Variants in DPYSL5 observed in about 807,000 individuals in gnomAD.
DPYSL5 encodes dihydropyrimidinase-related protein 5.
DPYSL5 carries 9 observed loss-of-function variants against 58.4 expected under a neutral mutation model. That is an observed-to-expected ratio of 0.15 (90% CI 0.09 to 0.27). DPYSL5 has a LOEUF of 0.27. Among genes scored for constraint, DPYSL5 ranks in the 10% least tolerant of loss-of-function variants. The probability of loss-of-function intolerance (pLI) is 1.00; values close to 1 mark genes in which losing one functional copy is unlikely to be tolerated. For synonymous variants in DPYSL5, 293 were observed against 301.9 expected (o/e 0.97, Z 0.31); for missense variants, 499 against 770.6 (o/e 0.65, Z 4.17).
intron 8 of DPYSL5, among the ~76,000 whole-genome samples, chr2:26,937,053 G>T (rs867264067): frequency 1.0e-4 from 15 of 150,518 alleles, no homozygotes; most frequent in Non-Finnish European, 2.1e-4. Flanking sequence ...ATGTGGGCTT[G>T]GTTCCAAGGT....
At chr2:26,879,240 A>C (rs1663491053) in intron 1 of DPYSL5, among the ~76,000 whole-genome samples, 1 of 152,204 alleles carries the variant, frequency 6.6e-6, no homozygotes, top group African/African-American at 2.4e-5. Context: ...GGTTTGGAGA[A>C]AGAGGACAGA....
In DPYSL5 at chr2:26,944,677, G is replaced by T; in HGVS notation, c.1462G>T (p.Asp488Tyr). 1.2e-6 allele frequency: 2 copies of T among 1,613,984 alleles called. No individual in the cohort carries two copies. Among genetic ancestry groups the T allele is most frequent in the Non-Finnish European group, 1.7e-6 (2 of 1,179,950 alleles). ...CTAGACTTTAAAGGTTAGAGGAGTGGACCGCACTCCCTACCTGGGGGATGT... is the reference window on the plus strand; with the variant it reads ...CTAGACTTTAAAGGTTAGAGGAGTGTACCGCACTCCCTACCTGGGGGATGT... ...REKTLKVRGV[D>Y]RTPYLGDVAV... The change falls in exon 12 of 13, where the codon GAC (aspartate) becomes TAC (tyrosine). Residue 488 changes from aspartate (D) to tyrosine (Y), a missense_variant. Physicochemically the swap from Asp to Tyr is radical, Grantham distance 160. This residue lies in a region of DPYSL5 where 62 missense variants were observed against 59.2 expected (regional missense o/e 1.05). Coordinates refer to ENST00000288699, the MANE Select transcript of DPYSL5 (RefSeq NM_020134.4). This position sits in a 1 kb window ranked among gnomAD's most constrained non-coding sequence, Gnocchi z 4.4.
In DPYSL5 at chr2:26,898,566, A is replaced by G; in HGVS notation, c.67A>G (p.Thr23Ala). The stretch of plus-strand genomic sequence containing the variant: ...AGGCAAGGTGGTGAACGATGACTGC[A>G]CCCACGAGGCTGACGTCTACATCGA... ...KGGKVVNDDC[T>A]HEADVYIENG... Residue 23 changes from threonine to alanine, a missense_variant, in exon 2 of 13, where the codon ACC becomes GCC. This residue lies in a region of DPYSL5 where 404 missense variants were observed against 647.6 expected (regional missense o/e 0.62). Coordinates refer to ENST00000288699, the MANE Select transcript of DPYSL5 (RefSeq NM_020134.4). This position sits in a 1 kb window ranked among gnomAD's most constrained non-coding sequence, Gnocchi z 6.1. 1 of 1,614,132 alleles carries G rather than the reference A, an allele frequency of 6.2e-7. No homozygotes were observed. The highest frequency in any genetic ancestry group is 8.5e-7 in the Non-Finnish European group (1 of 1,180,024).
intron 1 of DPYSL5, among the ~76,000 whole-genome samples, chr2:26,857,949 AAAG>A (rs1358044575): frequency 2.0e-5 from 3 of 152,190 alleles, no homozygotes; most frequent in Non-Finnish European, 4.4e-5. Context: ...CAGTGTGCAT[AAAG>A]GACAGTGGTT....
intron 1 of DPYSL5, among the ~76,000 whole-genome samples, chr2:26,871,192 C>T (rs1663254924): frequency 6.6e-6 from 1 of 152,078 alleles, no homozygotes; most frequent in African/African-American, 2.4e-5. Flanking sequence ...AGAGCTTAAC[C>T]TATTCACTCT....
intron 8 of DPYSL5, among the ~76,000 whole-genome samples, chr2:26,937,579 A>G (rs947527037): frequency 2.0e-5 from 3 of 152,070 alleles, no homozygotes; most frequent in Admixed American, 6.5e-5. Flanking sequence ...TAGGCCCTGC[A>G]GGAATAAAAA....
At chr2:26,930,374 G>A (rs1664939795) in intron 5 of DPYSL5, among the ~76,000 whole-genome samples, 2 of 152,220 alleles carry the variant, frequency 1.3e-5, no homozygotes, top group South Asian at 4.1e-4. Context: ...TCTATGCCAG[G>A]GGAGATGTTG....
At chr2:26,862,717 C>T (rs1008778390) in intron 1 of DPYSL5, among the ~76,000 whole-genome samples, 10 of 152,146 alleles carry the variant, frequency 6.6e-5, no homozygotes, top group African/African-American at 9.7e-5. Context: ...TGGAAGTCAC[C>T]GGGATGCCAG....
At chr2:26,913,025 G>A (rs1400661354) in intron 2 of DPYSL5, among the ~76,000 whole-genome samples, 8 of 152,202 alleles carry the variant, frequency 5.3e-5, no homozygotes, top group Non-Finnish European at 7.3e-5. Context: ...TTTCTTATCT[G>A]TAAAATGAGA....
chr2:26,946,549 C>G (rs867240315), intron 12 of DPYSL5, among the ~76,000 whole-genome samples: 1 of 152,156 alleles, frequency 6.6e-6, no homozygotes, highest in Non-Finnish European at 1.5e-5. Flanking sequence ...TTCTCTCTCG[C>G]TTACTCACTG....
intron 2 of DPYSL5, among the ~76,000 whole-genome samples, chr2:26,923,458 T>C (rs1664752676): frequency 6.6e-6 from 1 of 152,156 alleles, no homozygotes; most frequent in Non-Finnish European, 1.5e-5. Flanking sequence ...AGCCACCCTA[T>C]TGTGTAGGTA....
intron 1 of DPYSL5, among the ~76,000 whole-genome samples, chr2:26,850,329 G>C (rs1049578766): frequency 6.6e-6 from 1 of 152,132 alleles, no homozygotes; most frequent in African/African-American, 2.4e-5. Flanking sequence ...TGAACCGAAT[G>C]GAAGCTTAAA....
At chr2:26,880,619 A>G (rs1663534399) in intron 1 of DPYSL5, among the ~76,000 whole-genome samples, 1 of 151,792 alleles carries the variant, frequency 6.6e-6, no homozygotes, top group Non-Finnish European at 1.5e-5. Context: ...ACCCTTGCCT[A>G]CCTCCGCCTC....
At chr2:26,939,758 G>A in intron 8 of DPYSL5, 1 of 375,214 alleles carries the variant, frequency 2.7e-6, no homozygotes, top group Non-Finnish European at 4.9e-6. Flanking sequence ...GCTTTTCTCT[G>A]CTATCTTCAC....
In DPYSL5 at chr2:26,933,129, A is replaced by C. The variant is rs1665077468; in HGVS notation, c.715-129A>C. ...CTGCATTCTCCGCTTAAGGACTGTCACCTTGAGGGTGGGGTTGAGTGACGC... is the reference window on the plus strand; with the variant it reads ...CTGCATTCTCCGCTTAAGGACTGTCCCCTTGAGGGTGGGGTTGAGTGACGC... On this transcript the variant is annotated intron_variant, in intron 6 of 12. Coordinates refer to ENST00000288699, the MANE Select transcript of DPYSL5 (RefSeq NM_020134.4). The surrounding 1 kb of genome is among the most constrained non-coding windows in gnomAD (Gnocchi z 4.2). 1 of 799,002 alleles carries C rather than the reference A, an allele frequency of 1.3e-6. No individual in the cohort carries two copies. The highest frequency in any genetic ancestry group is 1.7e-5 in the African/African-American group (1 of 59,660). 49.5% of individuals were successfully genotyped at this position (799,002 alleles called of 1,614,324 possible).
chr2:26,875,673 T>C (rs1663393028), intron 1 of DPYSL5, among the ~76,000 whole-genome samples: 1 of 152,152 alleles, frequency 6.6e-6, no homozygotes, highest in African/African-American at 2.4e-5. Flanking sequence ...GCCTTCTGGG[T>C]TTGGTTCTTG....
At chr2:26,921,575 G>C (rs1664705313) in intron 2 of DPYSL5, among the ~76,000 whole-genome samples, 1 of 152,196 alleles carries the variant, frequency 6.6e-6, no homozygotes, top group Admixed American at 6.5e-5. Context: ...TGTGAAAACA[G>C]AGCTTGTCAG....
chr2:26,874,217 C>T (rs764354074), intron 1 of DPYSL5, among the ~76,000 whole-genome samples: 1 of 152,112 alleles, frequency 6.6e-6, no homozygotes, highest in Non-Finnish European at 1.5e-5. Flanking sequence ...CAGTCTATGG[C>T]TTGCTTTTTC....
At position 26,905,497 on chromosome 2, in the gene DPYSL5, G is replaced by C. The variant is rs1035249099; in HGVS notation, c.261+6737G>C. Among the ~76,000 whole-genome samples the C allele has an allele frequency of 3.9e-5, 6 of 152,150 alleles. No individual in the cohort carries two copies. Among genetic ancestry groups the C allele is most frequent in the African/African-American group, 1.4e-4 (6 of 41,424 alleles). On this transcript the variant is annotated intron_variant, in intron 2 of 12. Transcript: ENST00000288699. The surrounding 1 kb of genome is among the most constrained non-coding windows in gnomAD (Gnocchi z 4.0). ...CCATGCTACCTGTGTCCCTGGGCTT[G>C]GCCAGCAGGCACCCTGGCAGGCCTT...
Sources: gnomAD v4.1 joint callset for allele counts (sites outside exome capture counted in the v4.1 genomes callset) on GRCh38, gnomAD v4.1.1 for gene constraint, gnomAD v4.1.1 regional missense constraint, Gnocchi (gnomAD v3.1) non-coding constraint, MANE v1.5 for transcripts, NCBI Gene and HGNC (gene_info 2026-07-23, HGNC 2026-07-21) for gene names.